The following PIK3C2G variants were observed in gnomAD, a reference collection of about 807,000 sequenced individuals.
PIK3C2G encodes phosphatidylinositol-4-phosphate 3-kinase catalytic subunit type 2 gamma, also known as phosphatidylinositol 3-kinase C2 domain-containing subunit gamma.
PIK3C2G carries 168 observed loss-of-function variants against 181.1 expected under a neutral mutation model. That is an observed-to-expected ratio of 0.93 (90% CI 0.82 to 1.05). The LOEUF (loss-of-function observed/expected upper bound fraction) is 1.05, where lower values mean the gene tolerates loss of function less well. Ranked by LOEUF, PIK3C2G falls within the 50% of genes least tolerant of loss-of-function variation. PIK3C2G has a pLI of 0.00. For synonymous variants in PIK3C2G, 573 were observed against 592.2 expected (o/e 0.97, Z 0.47); for missense variants, 1,869 against 1,732.8 (o/e 1.08, Z -1.40).
At chr12:18,375,768 G>A (rs1942392186) in intron 13 of PIK3C2G, among the ~76,000 whole-genome samples, 1 of 152,224 alleles carries the variant, frequency 6.6e-6, no homozygotes, top group Non-Finnish European at 1.5e-5. Flanking sequence ...TCTGGGGCCA[G>A]GCCCAGGGGC....
intron 18 of PIK3C2G, among the ~76,000 whole-genome samples, chr12:18,467,324 AAC>A (rs1279059165): frequency 6.6e-6 from 1 of 152,014 alleles, no homozygotes; most frequent in Non-Finnish European, 1.5e-5. Context: ...AAAGAAACCC[AAC>A]ACACAAAATG....
chr12:18,288,770 A>G (rs1483187526), intron 3 of PIK3C2G, among the ~76,000 whole-genome samples: 1 of 152,190 alleles, frequency 6.6e-6, no homozygotes, highest in African/African-American at 2.4e-5. Flanking sequence ...CTACTCACAG[A>G]CCACATTATT....
At chr12:18,308,001 T>A (rs562680902) in intron 5 of PIK3C2G, among the ~76,000 whole-genome samples, 2 of 152,030 alleles carry the variant, frequency 1.3e-5, no homozygotes, top group East Asian at 3.9e-4. Context: ...ATATGACAAG[T>A]CTTGAAAATC....
chr12:18,576,923 T>C (rs941926308), intron 29 of PIK3C2G, among the ~76,000 whole-genome samples: 18 of 152,210 alleles, frequency 1.2e-4, no homozygotes, highest in Admixed American at 4.6e-4. Context: ...TGGATTATTA[T>C]CTTTGCATGC....
chr12:18,672,324 C>A, the PIK3C2G span, among the ~76,000 whole-genome samples: 3 of 152,032 alleles, frequency 2.0e-5, no homozygotes, highest in Non-Finnish European at 2.9e-5. Context: ...CTAGAACAAA[C>A]CTTTCCCGAC....
the PIK3C2G span, among the ~76,000 whole-genome samples, chr12:18,705,908 T>A: frequency 6.7e-6 from 1 of 148,314 alleles, no homozygotes; most frequent in Non-Finnish European, 1.5e-5. Context: ...ACCATATCCA[T>A]ATAAAGGAAT....
the PIK3C2G span, among the ~76,000 whole-genome samples, chr12:18,722,239 A>G: frequency 3.3e-5 from 5 of 151,956 alleles, no homozygotes; most frequent in Non-Finnish European, 7.4e-5. Context: ...TTTCCGTATC[A>G]CATAGCACTC....
intron 6 of PIK3C2G, among the ~76,000 whole-genome samples, chr12:18,315,765 G>A (rs1950833247): frequency 6.6e-6 from 1 of 152,084 alleles, no homozygotes; most frequent in African/African-American, 2.4e-5. Flanking sequence ...CAGTCAGTGG[G>A]TCTTCAGAGC....
At chr12:18,478,324 T>C (rs1446968943) in intron 18 of PIK3C2G, among the ~76,000 whole-genome samples, 1 of 152,180 alleles carries the variant, frequency 6.6e-6, no homozygotes, top group Non-Finnish European at 1.5e-5. Flanking sequence ...TTCTGCTACA[T>C]TTTGAGTTAT....
chr12:18,651,334 G>A (rs1950508769), downstream of PIK3C2G, among the ~76,000 whole-genome samples: 2 of 152,104 alleles, frequency 1.3e-5, no homozygotes, highest in African/African-American at 4.8e-5. Flanking sequence ...TATGTGAGAT[G>A]TTGCAAGCTG....
intron 26 of PIK3C2G, among the ~76,000 whole-genome samples, chr12:18,553,508 T>C (rs924029104): frequency 7.9e-5 from 12 of 152,082 alleles, no homozygotes; most frequent in African/African-American, 2.9e-4. Flanking sequence ...AAAACTCTTG[T>C]TTGAATGCAG....
chr12:18,444,492 G>A (rs373147898), intron 18 of PIK3C2G, among the ~76,000 whole-genome samples: 1 of 152,066 alleles, frequency 6.6e-6, no homozygotes, highest in African/African-American at 2.4e-5. Flanking sequence ...ACTTAATGGT[G>A]GTTTTGACCT....
chr12:18,325,634 G>A (rs565137780), intron 8 of PIK3C2G, among the ~76,000 whole-genome samples: 1 of 151,548 alleles, frequency 6.6e-6, no homozygotes, highest in Middle Eastern at 3.4e-3. Flanking sequence ...CTTGAACCCG[G>A]GAGGTGGAGG....
chr12:18,722,963 A>G, the PIK3C2G span, among the ~76,000 whole-genome samples: 1 of 152,126 alleles, frequency 6.6e-6, no homozygotes, highest in East Asian at 1.9e-4. Flanking sequence ...CTGGGGTTTT[A>G]TCTTATTCAT....
the PIK3C2G span, among the ~76,000 whole-genome samples, chr12:18,662,420 G>A: frequency 6.6e-6 from 1 of 151,032 alleles, no homozygotes; most frequent in African/African-American, 2.4e-5. Context: ...AAAAGCTGAG[G>A]AAATTTATGA....
chr12:18,626,696 T>C (rs1292217259), intron 31 of PIK3C2G, among the ~76,000 whole-genome samples: 1 of 152,050 alleles, frequency 6.6e-6, no homozygotes, highest in Non-Finnish European at 1.5e-5. Flanking sequence ...TCTTGGTTGG[T>C]AGGCTTTTTC....
chr12:18,600,245 T>G (rs927060704), intron 30 of PIK3C2G, among the ~76,000 whole-genome samples: 1 of 151,836 alleles, frequency 6.6e-6, no homozygotes, highest in African/African-American at 2.4e-5. Context: ...AAGTGAAAAT[T>G]TAATGGAAAT....
chr12:18,651,664 C>T (rs142553833), downstream of PIK3C2G, among the ~76,000 whole-genome samples: 36 of 152,226 alleles, frequency 2.4e-4, 1 homozygote, highest in Middle Eastern at 3.4e-3. Flanking sequence ...TTGGAACTTC[C>T]GGCCTGAACA....
intron 3 of PIK3C2G, among the ~76,000 whole-genome samples, chr12:18,290,144 A>G (rs1328233654): frequency 1.3e-5 from 2 of 152,188 alleles, no homozygotes; most frequent in Non-Finnish European, 2.9e-5. Context: ...TGAGGTAGCT[A>G]TTAATATCTT....
Sources: allele counts gnomAD v4.1 joint callset (sites outside exome capture counted in the v4.1 genomes callset), GRCh38; gene constraint gnomAD v4.1.1; transcripts MANE v1.5; gene names NCBI Gene and HGNC (gene_info 2026-07-23, HGNC 2026-07-21).